Variants in MARK3 observed in about 807,000 individuals in gnomAD.
MARK3 encodes microtubule affinity regulating kinase 3.
In MARK3, 46 loss-of-function variants were observed where a neutral mutation model predicts 90.1. That is an observed-to-expected ratio of 0.51 (90% CI 0.40 to 0.65). The LOEUF (loss-of-function observed/expected upper bound fraction) is 0.65, where lower values mean the gene tolerates loss of function less well. Among genes scored for constraint, MARK3 ranks in the 30% least tolerant of loss-of-function variants. The probability of loss-of-function intolerance (pLI) is 0.00; values close to 1 mark genes in which losing one functional copy is unlikely to be tolerated. For synonymous variants in MARK3, 321 were observed against 332.6 expected (o/e 0.97, Z 0.38); for missense variants, 818 against 947.2 (o/e 0.86, Z 1.79).
intron 1 of MARK3, among the ~76,000 whole-genome samples, chr14:103,399,612 TGG>T (rs2090817205): frequency 1.4e-5 from 2 of 144,812 alleles, no homozygotes; most frequent in Non-Finnish European, 3.0e-5. Flanking sequence ...GGCCAGAGAA[TGG>T]CGTGAACCCG....
intron 2 of MARK3, among the ~76,000 whole-genome samples, chr14:103,424,769 C>T (rs1357645543): frequency 6.6e-6 from 1 of 152,028 alleles, no homozygotes; most frequent in Non-Finnish European, 1.5e-5. Context: ...ATTGGGAGAT[C>T]TAGGTATACC....
intron 1 of MARK3, among the ~76,000 whole-genome samples, chr14:103,391,217 A>T (rs2090218185): frequency 6.6e-6 from 1 of 152,172 alleles, no homozygotes; most frequent in African/African-American, 2.4e-5. Context: ...AGCCTTCCAC[A>T]GCAAAGAATT....
intron 1 of MARK3, among the ~76,000 whole-genome samples, chr14:103,388,231 A>G (rs980025136): frequency 5.9e-5 from 9 of 152,178 alleles, no homozygotes; most frequent in Admixed American, 4.6e-4. Flanking sequence ...ACGCCCAGCC[A>G]TGTAGTGTAT....
intron 2 of MARK3, chr14:103,412,168 C>T (rs530356209): frequency 2.0e-5 from 28 of 1,408,490 alleles, no homozygotes; most frequent in East Asian, 7.0e-5. Context: ...ATATAAGGCC[C>T]GGACATTCTG....
rs11622746 is a variant in MARK3 at position 103,463,747 on chromosome 14, C to G, written c.540+1286C>G. ...CCATGTATGTTTTCTACACTGCACCCAAAATGGTCTTTTAAGGAAACACAA... is the reference window on the plus strand; with the variant it reads ...CCATGTATGTTTTCTACACTGCACCGAAAATGGTCTTTTAAGGAAACACAA... On this transcript the variant is annotated intron_variant, in intron 7 of 17. Transcript: ENST00000429436. 8.6e-4 allele frequency among the ~76,000 whole-genome samples: 131 copies of G among 152,260 alleles called. 1 individual carries two copies. Among genetic ancestry groups the G allele is most frequent in the Middle Eastern group, 6.8e-3 (2 of 292 alleles).
At chr14:103,404,241 C>A (rs2091139293) in intron 1 of MARK3, among the ~76,000 whole-genome samples, 2 of 152,072 alleles carry the variant, frequency 1.3e-5, no homozygotes, top group Admixed American at 1.3e-4. Flanking sequence ...TTTTCCTGGA[C>A]AGAAAGTTGG....
At chr14:103,406,934 C>T (rs940866778) in intron 2 of MARK3, among the ~76,000 whole-genome samples, 13 of 149,022 alleles carry the variant, frequency 8.7e-5, no homozygotes, top group Non-Finnish European at 1.3e-4. Flanking sequence ...TCTGGGTTCA[C>T]GCCATTCTCC....
intron 6 of MARK3, among the ~76,000 whole-genome samples, chr14:103,459,922 CTG>C (rs2093360782): frequency 6.6e-6 from 1 of 151,874 alleles, no homozygotes; most frequent in Admixed American, 6.6e-5. Flanking sequence ...ACAAAGTACA[CTG>C]TGTGTGATCC....
At chr14:103,500,354 A>G (rs1347695631) in intron 17 of MARK3, among the ~76,000 whole-genome samples, 154 bp downstream of exon 17, 1 of 152,238 alleles carries the variant, frequency 6.6e-6, no homozygotes, top group East Asian at 1.9e-4. Flanking sequence ...CCAGCCTGCC[A>G]TGAGCACCGT....
At chr14:103,458,354 G>A (rs891750956) in intron 6 of MARK3, among the ~76,000 whole-genome samples, 7 of 151,194 alleles carry the variant, frequency 4.6e-5, no homozygotes, top group Non-Finnish European at 1.0e-4. Context: ...AGCTACTGGG[G>A]AGGCTGAGGC....
At chr14:103,455,118 G>A (rs6575992) in intron 5 of MARK3, among the ~76,000 whole-genome samples, 150,384 of 152,316 alleles carry the variant, frequency 0.99, 74,281 homozygotes, top group East Asian at 1. Flanking sequence ...TAAGAGGTTT[G>A]TATTGAATTC....
intron 4 of MARK3, among the ~76,000 whole-genome samples, chr14:103,449,580 AG>A (rs1195689621): frequency 6.6e-6 from 1 of 152,206 alleles, no homozygotes; most frequent in Non-Finnish European, 1.5e-5. Flanking sequence ...TATAAATCAA[AG>A]ATTTGTTTTC....
At chr14:103,420,302 C>T (rs1016448185) in intron 2 of MARK3, among the ~76,000 whole-genome samples, 1 of 152,040 alleles carries the variant, frequency 6.6e-6, no homozygotes, top group South Asian at 2.1e-4. Context: ...AATCTTGGCT[C>T]ACTGCAGCTC....
At chr14:103,412,792 G>A in intron 2 of MARK3, 1 of 427,258 alleles carries the variant, frequency 2.3e-6, no homozygotes, top group South Asian at 2.0e-5. Flanking sequence ...CCAGAAAAGA[G>A]GGTTTAGTTG....
At chr14:103,480,581 C>CTGTATGTATT in intron 14 of MARK3, 91 bp downstream of exon 14, 1 of 721,336 alleles carries the variant, frequency 1.4e-6, no homozygotes, top group Non-Finnish European at 2.4e-6. Context: ...TAATCATTTT[C>CTGTATGTATT]AAATTAAAAC....
intron 6 of MARK3, among the ~76,000 whole-genome samples, chr14:103,462,033 TAAA>T (rs34942342): frequency 0.37 from 51,440 of 140,436 alleles, 9,595 homozygotes; most frequent in African/African-American, 0.4. Flanking sequence ...GAGACTCTGT[TAAA>T]AAAAAAAAAA....
intron 1 of MARK3, among the ~76,000 whole-genome samples, chr14:103,397,941 G>A (rs2090692105): frequency 2.0e-5 from 3 of 151,932 alleles, no homozygotes; most frequent in Non-Finnish European, 2.9e-5. Context: ...TCCACCCCAC[G>A]TTACTGTTTT....
At position 103,471,624 on chromosome 14, in the gene MARK3, G is replaced by A. The variant is rs546593588; in HGVS notation, c.1265-3369G>A. Among the ~76,000 whole-genome samples, 100 of 152,154 alleles carry A rather than the reference G, an allele frequency of 6.6e-4. 1 individual carries two copies. The highest frequency in any genetic ancestry group is 1.5e-4 in the Non-Finnish European group (10 of 68,020). On this transcript the variant is annotated intron_variant, in intron 12 of 17. Coordinates refer to ENST00000429436, the MANE Select transcript of MARK3 (RefSeq NM_001128918.3). ...CCTCTCCCTTCCCTTTTCCTTGCCT[G>A]TGGATGCTGACCTCTGCATGGGTGC...
At chr14:103,435,894 A>G (rs973996499) in intron 3 of MARK3, among the ~76,000 whole-genome samples, 1 of 150,704 alleles carries the variant, frequency 6.6e-6, no homozygotes, top group Non-Finnish European at 1.5e-5. Flanking sequence ...AAAGTAACCT[A>G]TTTTATTTAT....
Sources: allele counts gnomAD v4.1 joint callset (sites outside exome capture counted in the v4.1 genomes callset), GRCh38; gene constraint gnomAD v4.1.1; transcripts MANE v1.5; gene names NCBI Gene and HGNC (gene_info 2026-07-23, HGNC 2026-07-21).